The following SYT1 variants were observed in gnomAD, a reference collection of about 807,000 sequenced individuals.
SYT1 encodes the protein synaptotagmin-1.
Under a neutral mutation model 44.8 loss-of-function variants are expected in SYT1, and 8 were observed. That is an observed-to-expected ratio of 0.18 (90% CI 0.10 to 0.32). The LOEUF (loss-of-function observed/expected upper bound fraction) is 0.32, where lower values mean the gene tolerates loss of function less well. SYT1 is among the 10% of genes least tolerant of loss of function. The pLI is 1.00. For synonymous variants in SYT1, 154 were observed against 188.8 expected, an observed-to-expected ratio of 0.82 and a Z score of 1.51; for missense variants, 286 against 509.3, an observed-to-expected ratio of 0.56 and a Z score of 4.22.
chr12:79,411,766 T>C (rs1218611830), intron 9 of SYT1, among the ~76,000 whole-genome samples: 2 of 152,044 alleles, frequency 1.3e-5, no homozygotes, highest in African/African-American at 4.8e-5. Flanking sequence ...TTTTTCCAGG[T>C]TGATTTTCAT....
intron 3 of SYT1, among the ~76,000 whole-genome samples, chr12:79,180,366 C>A (rs1433416248): frequency 6.6e-6 from 1 of 152,024 alleles, no homozygotes; most frequent in Admixed American, 6.6e-5. Flanking sequence ...GCAGAGAAGA[C>A]TATAATTCTA....
intron 1 of SYT1, among the ~76,000 whole-genome samples, chr12:78,887,114 G>A (rs569469437): frequency 1.3e-4 from 19 of 151,896 alleles, no homozygotes; most frequent in African/African-American, 4.6e-4. Flanking sequence ...ATATTAAATG[G>A]AAAAATTCCA....
chr12:79,077,740 G>A (rs1433684819), intron 3 of SYT1, among the ~76,000 whole-genome samples: 1 of 152,130 alleles, frequency 6.6e-6, no homozygotes, highest in Admixed American at 6.6e-5. Context: ...CCTACAAATT[G>A]TTAGCTGAAG....
At chr12:78,870,959 G>T (rs1340973046) in intron 1 of SYT1, among the ~76,000 whole-genome samples, 3 of 151,980 alleles carry the variant, frequency 2.0e-5, no homozygotes, top group Non-Finnish European at 4.4e-5. Context: ...TATAATTTTA[G>T]GATAATTTAT....
At chr12:79,404,682 A>T (rs1199151666) in intron 9 of SYT1, among the ~76,000 whole-genome samples, 1 of 152,214 alleles carries the variant, frequency 6.6e-6, no homozygotes, top group African/African-American at 2.4e-5. Context: ...GTTTCAGCAC[A>T]TAAGATGCTA....
At chr12:79,019,418 T>C (rs868328475) in intron 2 of SYT1, among the ~76,000 whole-genome samples, 4 of 147,756 alleles carry the variant, frequency 2.7e-5, no homozygotes, top group Non-Finnish European at 4.5e-5. Flanking sequence ...AACCTATAGA[T>C]GATATAACTA....
At chr12:78,866,462 A>T (rs533273467) in intron 1 of SYT1, among the ~76,000 whole-genome samples, 1 of 152,350 alleles carries the variant, frequency 6.6e-6, no homozygotes, top group African/African-American at 2.4e-5. Context: ...AGAAAGAAAA[A>T]TATATCAAAA....
chr12:78,866,009 A>G (rs1312870290), intron 1 of SYT1, among the ~76,000 whole-genome samples: 2 of 152,140 alleles, frequency 1.3e-5, no homozygotes, highest in Middle Eastern at 3.2e-3. Context: ...GTAAAGTTTC[A>G]AAACATTTGC....
chr12:79,108,146 A>C (rs962825031), intron 3 of SYT1, among the ~76,000 whole-genome samples: 14 of 152,022 alleles, frequency 9.2e-5, no homozygotes, highest in African/African-American at 3.4e-4. Flanking sequence ...CACCAAGCTG[A>C]TAACAATATA....
intron 4 of SYT1, among the ~76,000 whole-genome samples, chr12:79,250,558 TGCA>T (rs1877139278): frequency 6.6e-6 from 1 of 152,194 alleles, no homozygotes; most frequent in Non-Finnish European, 1.5e-5. Flanking sequence ...TAATTTATAC[TGCA>T]GCAACAATAA....
chr12:79,424,953 C>CTTTTTTTTTTTTTTTTTTTTTTTTT, intron 9 of SYT1, among the ~76,000 whole-genome samples: 1 of 85,252 alleles, frequency 1.2e-5, no homozygotes, highest in Non-Finnish European at 2.3e-5. Flanking sequence ...TTTTCTTCTT[C>CTTTTTTTTTTTTTTTTTTTTTTTTT]TTTTTTTTTT....
At chr12:79,296,048 G>A in intron 6 of SYT1, 21 bp from the exon 7 acceptor site, 1 of 1,601,878 alleles carries the variant, frequency 6.2e-7, no homozygotes, top group Non-Finnish European at 8.5e-7. Context: ...TATGTATGCT[G>A]TATTCTGTCA....
chr12:78,881,267 C>A (rs2137055835), intron 1 of SYT1, among the ~76,000 whole-genome samples: 1 of 151,696 alleles, frequency 6.6e-6, no homozygotes, highest in South Asian at 2.1e-4. Context: ...TTATATCGCT[C>A]CCTTCACTTC....
rs181429021 is a variant in SYT1 at position 79,418,328 on chromosome 12, G to A, written c.929-25745G>A. On this transcript the variant is annotated intron_variant, in intron 9 of 10. Coordinates refer to ENST00000261205, the MANE Select transcript of SYT1 (RefSeq NM_005639.3). ...TGTTGTTAAAAATGTCCACTGGATG[G>A]AAGGTTACACTAACTTTTTAGCTCT... 2.6e-3 allele frequency among the ~76,000 whole-genome samples: 402 copies of A among 152,270 alleles called. 1 individual carries two copies. Among genetic ancestry groups the A allele is most frequent in the Non-Finnish European group, 4.6e-3 (312 of 68,014 alleles).
At chr12:79,093,917 CA>C in intron 3 of SYT1, among the ~76,000 whole-genome samples, 1 of 151,520 alleles carries the variant, frequency 6.6e-6, no homozygotes, top group South Asian at 2.1e-4. Flanking sequence ...GGCATTGTAC[CA>C]ACATGTTATC....
At chr12:78,968,643 AC>A (rs1257904769) in intron 1 of SYT1, among the ~76,000 whole-genome samples, 1 of 152,188 alleles carries the variant, frequency 6.6e-6, no homozygotes, top group Non-Finnish European at 1.5e-5. Context: ...CATTAGTTCA[AC>A]AAATGATTGT....
intron 4 of SYT1, among the ~76,000 whole-genome samples, chr12:79,249,152 C>T (rs1003853337): frequency 6.2e-5 from 8 of 129,778 alleles, no homozygotes; most frequent in African/African-American, 2.3e-4. Context: ...GGCCGGACTG[C>T]GGACTGCAGT....
At chr12:79,153,923 C>T (rs887599536) in intron 3 of SYT1, among the ~76,000 whole-genome samples, 3 of 152,096 alleles carry the variant, frequency 2.0e-5, no homozygotes, top group African/African-American at 7.2e-5. Flanking sequence ...AATGTTGTCT[C>T]TATTTTACAG....
intron 3 of SYT1, among the ~76,000 whole-genome samples, chr12:79,095,676 A>C (rs1878080441): frequency 1.3e-5 from 2 of 151,938 alleles, no homozygotes; most frequent in South Asian, 2.1e-4. Context: ...ACCTTGGTAA[A>C]AATTCTTACC....
Sources: gnomAD v4.1 joint callset for allele counts (sites outside exome capture counted in the v4.1 genomes callset) on GRCh38, gnomAD v4.1.1 for gene constraint, MANE v1.5 for transcripts, NCBI Gene and HGNC (gene_info 2026-07-23, HGNC 2026-07-21) for gene names.